The following STXBP5L variants were observed in gnomAD, a reference collection of about 807,000 sequenced individuals.
STXBP5L encodes the protein syntaxin binding protein 5L, also known as syntaxin-binding protein 5-like.
Under a neutral mutation model 144.5 loss-of-function variants are expected in STXBP5L, and 65 were observed. The ratio of observed to expected loss-of-function variants is 0.45; its 90% CI spans 0.37 to 0.55. STXBP5L has a LOEUF of 0.55. STXBP5L is among the 20% of genes least tolerant of loss of function. The pLI, the probability that STXBP5L is intolerant of heterozygous loss-of-function variation, is 0.00. For synonymous variants in STXBP5L, 505 were observed against 469.6 expected, an observed-to-expected ratio of 1.08 and a Z score of -0.97; for missense variants, 1,298 against 1,405.5, an observed-to-expected ratio of 0.92 and a Z score of 1.22.
At chr3:121,274,459 C>T (rs1043214363) in intron 18 of STXBP5L, among the ~76,000 whole-genome samples, 3 of 152,244 alleles carry the variant, frequency 2.0e-5, no homozygotes, top group African/African-American at 7.2e-5. Context: ...TTCTCCTATT[C>T]AACTTTTATC....
At chr3:120,980,131 G>A (rs745417082) in intron 3 of STXBP5L, among the ~76,000 whole-genome samples, 1 of 152,092 alleles carries the variant, frequency 6.6e-6, no homozygotes, top group Non-Finnish European at 1.5e-5. Flanking sequence ...TTGTTTTGTG[G>A]CCTGACATAT....
intron 2 of STXBP5L, among the ~76,000 whole-genome samples, chr3:120,919,783 A>G (rs1473423590): frequency 6.6e-6 from 1 of 151,894 alleles, no homozygotes; most frequent in Non-Finnish European, 1.5e-5. Context: ...GCAAGCACAC[A>G]CTCTGTGAAC....
intron 20 of STXBP5L, among the ~76,000 whole-genome samples, chr3:121,355,752 G>A (rs1051235155): frequency 1.3e-5 from 2 of 152,098 alleles, no homozygotes; most frequent in Non-Finnish European, 2.9e-5. Flanking sequence ...TGCAATCCTT[G>A]GGAGGAGAAG....
intron 5 of STXBP5L, 90 bp downstream of exon 5, chr3:121,045,625 A>G: frequency 8.9e-7 from 1 of 1,125,760 alleles, no homozygotes; most frequent in Non-Finnish European, 1.3e-6. Flanking sequence ...TTTTTTCCTC[A>G]TAATCTCAAC....
chr3:120,980,093 GATTTCA>G (rs1456412653), intron 3 of STXBP5L, among the ~76,000 whole-genome samples: 1 of 152,090 alleles, frequency 6.6e-6, no homozygotes, highest in Non-Finnish European at 1.5e-5. Context: ...AAAAATACTT[GATTTCA>G]ATTTAAAAGT....
At chr3:121,069,373 GTTTA>G (rs1233312123) in intron 5 of STXBP5L, among the ~76,000 whole-genome samples, 1 of 152,012 alleles carries the variant, frequency 6.6e-6, no homozygotes, top group Non-Finnish European at 1.5e-5. Context: ...AGTGACTACA[GTTTA>G]TTTAACTATT....
At chr3:121,207,692 C>T (rs1400059612) in intron 10 of STXBP5L, among the ~76,000 whole-genome samples, 1 of 152,176 alleles carries the variant, frequency 6.6e-6, no homozygotes, top group South Asian at 2.1e-4. Context: ...AGACATTTCT[C>T]AAAAGAAGAC....
intron 11 of STXBP5L, among the ~76,000 whole-genome samples, chr3:121,232,894 G>A (rs149273520): frequency 1.3e-5 from 2 of 152,256 alleles, no homozygotes; most frequent in African/African-American, 2.4e-5. Context: ...CTTCCCTGGT[G>A]TGATACCAGG....
At chr3:120,951,442 T>G (rs556304483) in intron 2 of STXBP5L, among the ~76,000 whole-genome samples, 83 of 151,678 alleles carry the variant, frequency 5.5e-4, no homozygotes, top group Middle Eastern at 3.4e-3. Flanking sequence ...TACAATGAAC[T>G]CAAACAAATT....
At chr3:120,952,319 T>C (rs1354041683) in intron 2 of STXBP5L, among the ~76,000 whole-genome samples, 1 of 152,174 alleles carries the variant, frequency 6.6e-6, no homozygotes, top group African/African-American at 2.4e-5. Flanking sequence ...ATATCTGGGA[T>C]GACTTTTATT....
chr3:121,109,241 C>A (rs891864183), intron 5 of STXBP5L, among the ~76,000 whole-genome samples: 1 of 152,046 alleles, frequency 6.6e-6, no homozygotes, highest in Non-Finnish European at 1.5e-5. Context: ...GCCTTCAGTT[C>A]TGCTCTGATC....
intron 3 of STXBP5L, among the ~76,000 whole-genome samples, chr3:121,012,276 T>C (rs2108141691): frequency 6.6e-6 from 1 of 152,006 alleles, no homozygotes; most frequent in East Asian, 1.9e-4. Context: ...CTATGAACAT[T>C]TGTGCACAGG....
chr3:120,983,486 C>T (rs965214545), intron 3 of STXBP5L, among the ~76,000 whole-genome samples: 3 of 151,816 alleles, frequency 2.0e-5, no homozygotes, highest in African/African-American at 4.8e-5. Context: ...ATGGCAGACC[C>T]AGGGTAACAC....
intron 5 of STXBP5L, among the ~76,000 whole-genome samples, chr3:121,077,643 C>T (rs2042076067): frequency 6.6e-6 from 1 of 152,200 alleles, no homozygotes; most frequent in Non-Finnish European, 1.5e-5. Context: ...GCCCCACCCA[C>T]ATCCTGCTGA....
intron 5 of STXBP5L, among the ~76,000 whole-genome samples, chr3:121,086,595 T>C (rs2042505774): frequency 1.3e-5 from 2 of 152,130 alleles, no homozygotes; most frequent in Admixed American, 1.3e-4. Flanking sequence ...TTATCCAAAA[T>C]GTTTGAGACC....
chr3:121,013,442 T>G lies in STXBP5L; in HGVS notation c.288-28258T>G, dbSNP rs112108782. Among the ~76,000 whole-genome samples, 384 of 152,134 alleles carry G rather than the reference T, an allele frequency of 2.5e-3. 2 individuals carry two copies. The highest frequency in any genetic ancestry group is 8.7e-3 in the African/African-American group (361 of 41,552). ...GTTTTAATTTGCATCTTTCTGATGA[T>G]TAGTGATGTTGAGCATTTTTTATAT... On this transcript the variant is annotated intron_variant, in intron 3 of 26. Coordinates refer to ENST00000471454, the MANE Select transcript of STXBP5L (RefSeq NM_001308330.2).
rs575395037 is a variant in STXBP5L at position 121,241,944 on chromosome 3, A to AT, written c.1400+1437_1400+1438insT. Among the ~76,000 whole-genome samples, 234 of 152,248 alleles carry AT rather than the reference A, an allele frequency of 1.5e-3. 3 individuals are homozygous for AT. The highest frequency in any genetic ancestry group is 5.3e-3 in the African/African-American group (220 of 41,548). ...GCCAAACCAATTTGAATGACAGCAG[A>AT]GTTTTCATCAGAAACCCTGCCTGCC... On this transcript the variant is annotated intron_variant, in intron 14 of 26. Coordinates refer to ENST00000471454, the MANE Select transcript of STXBP5L (RefSeq NM_001308330.2).
At chr3:121,182,982 C>T (rs140035355) in intron 9 of STXBP5L, among the ~76,000 whole-genome samples, 1 of 152,260 alleles carries the variant, frequency 6.6e-6, no homozygotes, top group Non-Finnish European at 1.5e-5. Context: ...GAGTTTCATA[C>T]CAGTGATGCA....
At chr3:121,288,279 G>T (rs984780412) in intron 19 of STXBP5L, among the ~76,000 whole-genome samples, 2 of 152,178 alleles carry the variant, frequency 1.3e-5, no homozygotes, top group Non-Finnish European at 1.5e-5. Context: ...TTGCCATTGT[G>T]AATAGTGCTG....
Sources: allele counts gnomAD v4.1 joint callset (sites outside exome capture counted in the v4.1 genomes callset), GRCh38; gene constraint gnomAD v4.1.1; transcripts MANE v1.5; gene names NCBI Gene and HGNC (gene_info 2026-07-23, HGNC 2026-07-21).